Variants in RAMP1 observed in about 807,000 individuals in gnomAD.
RAMP1 encodes the protein receptor activity modifying protein 1, also known as receptor activity-modifying protein 1.
RAMP1 carries 7 observed loss-of-function variants against 8.2 expected under a neutral mutation model. The observed-to-expected ratio is 0.85, with a 90% confidence interval of 0.49 to 1.60. The LOEUF (loss-of-function observed/expected upper bound fraction) is 1.60, where lower values mean the gene tolerates loss of function less well. RAMP1 is among the 40% of genes most tolerant of loss of function. The pLI is 0.00. For synonymous variants in RAMP1, 92 were observed against 84.7 expected (o/e 1.09, Z -0.47); for missense variants, 192 against 202.4 (o/e 0.95, Z 0.31).
intron 2 of RAMP1, among the ~76,000 whole-genome samples, chr2:237,906,289 CCCT>C (rs1459525029): frequency 6.6e-6 from 1 of 152,186 alleles, no homozygotes; most frequent in Non-Finnish European, 1.5e-5. Flanking sequence ...TGCTGCCTCT[CCCT>C]CCTCATGCCT....
chr2:237,889,592 A>T (rs1335765580), intron 2 of RAMP1, among the ~76,000 whole-genome samples: 3 of 152,134 alleles, frequency 2.0e-5, no homozygotes, highest in Non-Finnish European at 2.9e-5. Flanking sequence ...CTCTCCTACC[A>T]TGTTTCATTT....
chr2:237,874,650 A>T (rs531082284), intron 1 of RAMP1: 1 of 984,906 alleles, frequency 1.0e-6, no homozygotes, highest in Non-Finnish European at 1.2e-6. Flanking sequence ...TCCAGGCAGG[A>T]TAGCCTGAGG....
At chr2:237,869,147 T>C (rs895961209) in intron 1 of RAMP1, among the ~76,000 whole-genome samples, 5 of 152,238 alleles carry the variant, frequency 3.3e-5, no homozygotes, top group African/African-American at 9.6e-5. Flanking sequence ...CTGCTTTCCC[T>C]GGGCACGTGT....
chr2:237,898,749 C>G (rs748326068), intron 2 of RAMP1, among the ~76,000 whole-genome samples: 3 of 152,238 alleles, frequency 2.0e-5, no homozygotes, highest in Non-Finnish European at 2.9e-5. Flanking sequence ...TGGGCTTTCA[C>G]ATCCCCAGGG....
intron 2 of RAMP1, among the ~76,000 whole-genome samples, chr2:237,885,483 G>T (rs1344275515): frequency 6.6e-6 from 1 of 152,260 alleles, no homozygotes; most frequent in African/African-American, 2.4e-5. Context: ...CTTGCCACAT[G>T]CCCACGAGCA....
At chr2:237,890,072 A>T (rs984261696) in intron 2 of RAMP1, among the ~76,000 whole-genome samples, 8 of 152,208 alleles carry the variant, frequency 5.3e-5, no homozygotes, top group African/African-American at 1.7e-4. Flanking sequence ...TAAAATGGGT[A>T]TAGAAAGTGA....
chr2:237,903,598 A>G (rs1182863561), intron 2 of RAMP1, among the ~76,000 whole-genome samples: 3 of 152,066 alleles, frequency 2.0e-5, no homozygotes, highest in African/African-American at 7.2e-5. Context: ...AGCTCACTGC[A>G]GCCTCAATCT....
intron 2 of RAMP1, among the ~76,000 whole-genome samples, chr2:237,896,214 G>A (rs894217376): frequency 5.9e-5 from 9 of 152,220 alleles, no homozygotes; most frequent in African/African-American, 2.2e-4. Flanking sequence ...AGGAGCCAGG[G>A]CGCTGCCCAG....
chr2:237,881,260 C>T (rs1312197389), intron 2 of RAMP1, among the ~76,000 whole-genome samples: 2 of 152,226 alleles, frequency 1.3e-5, no homozygotes, highest in Non-Finnish European at 2.9e-5. Context: ...TTCATTTTTA[C>T]AGCTGTATAG....
intron 1 of RAMP1, among the ~76,000 whole-genome samples, chr2:237,863,271 C>T (rs2151001341): frequency 6.6e-6 from 1 of 152,286 alleles, no homozygotes; most frequent in Middle Eastern, 3.4e-3. Flanking sequence ...TGCCCCAGCC[C>T]ACCAGTTTCT....
chr2:237,898,450 G>C (rs544514289), intron 2 of RAMP1, among the ~76,000 whole-genome samples: 1 of 152,076 alleles, frequency 6.6e-6, no homozygotes, highest in Non-Finnish European at 1.5e-5. Flanking sequence ...TCCCTCACGC[G>C]TGCTGCCAGT....
chr2:237,872,060 C>T (rs534721619), intron 1 of RAMP1, among the ~76,000 whole-genome samples: 1 of 152,226 alleles, frequency 6.6e-6, no homozygotes, highest in Non-Finnish European at 1.5e-5. Flanking sequence ...ACTACAGTCA[C>T]GACCATCTTT....
At chr2:237,884,002 C>T (rs1210969964) in intron 2 of RAMP1, among the ~76,000 whole-genome samples, 13 of 148,702 alleles carry the variant, frequency 8.7e-5, no homozygotes, top group Non-Finnish European at 5.9e-5. Flanking sequence ...TGGATCTGCA[C>T]GCAGGTGCTT....
chr2:237,883,016 G>A (rs1031334653), intron 2 of RAMP1, among the ~76,000 whole-genome samples: 2 of 152,152 alleles, frequency 1.3e-5, no homozygotes, highest in African/African-American at 2.4e-5. Flanking sequence ...CTCTGGGAAA[G>A]GCCCGTCTCT....
At chr2:237,892,625 T>C (rs2151016653) in intron 2 of RAMP1, among the ~76,000 whole-genome samples, 1 of 152,322 alleles carries the variant, frequency 6.6e-6, no homozygotes, top group African/African-American at 2.4e-5. Context: ...AGCCATGAAA[T>C]GTGAAGCAAA....
intron 2 of RAMP1, among the ~76,000 whole-genome samples, chr2:237,892,201 G>T (rs1006200799): frequency 6.6e-6 from 1 of 150,442 alleles, no homozygotes. Context: ...TGTCTTAATT[G>T]TTTATCTTTC....
intron 1 of RAMP1, among the ~76,000 whole-genome samples, chr2:237,872,412 C>T (rs556939093): frequency 9.9e-5 from 15 of 152,278 alleles, no homozygotes; most frequent in South Asian, 2.1e-4. Flanking sequence ...GGGACTCACG[C>T]GTGCCCAGTG....
rs1477504330 is a variant in RAMP1 at position 237,865,885 on chromosome 2, G to C, written c.52+6158G>C. On this transcript the variant is annotated intron_variant, in intron 1 of 2. Coordinates refer to ENST00000254661, the MANE Select transcript of RAMP1 (RefSeq NM_005855.4). The surrounding 1 kb of genome is among the most constrained non-coding windows in gnomAD (Gnocchi z 4.2). The stretch of plus-strand genomic sequence containing the variant: ...GCAGATGGCAGGGTCCTTTGCAGGA[G>C]AGGCAGCGGCGAAAGCTGCCCTTAG... Among the ~76,000 whole-genome samples the C allele has an allele frequency of 6.6e-6, 1 of 152,004 alleles. No individual in the cohort carries two copies. The highest frequency in any genetic ancestry group is 6.6e-5 in the Admixed American group (1 of 15,252).
chr2:237,875,679 A>G (rs575681472), intron 1 of RAMP1, among the ~76,000 whole-genome samples: 1 of 152,230 alleles, frequency 6.6e-6, no homozygotes, highest in African/African-American at 2.4e-5. Flanking sequence ...GGACCCACTC[A>G]TGGCCTCAGC....
Sources: allele counts gnomAD v4.1 joint callset (sites outside exome capture counted in the v4.1 genomes callset), GRCh38; gene constraint gnomAD v4.1.1; non-coding constraint Gnocchi (gnomAD v3.1); transcripts MANE v1.5; gene names NCBI Gene and HGNC (gene_info 2026-07-23, HGNC 2026-07-21).